Variants in COL4A2 observed in about 807,000 individuals in gnomAD.
COL4A2 encodes collagen type IV alpha 2 chain.
In COL4A2, 99 loss-of-function variants were observed where a neutral mutation model predicts 200.2. The ratio of observed to expected loss-of-function variants is 0.49; its 90% CI spans 0.42 to 0.58. The LOEUF (loss-of-function observed/expected upper bound fraction) is 0.58. Among genes scored for constraint, COL4A2 ranks in the 20% least tolerant of loss-of-function variants. COL4A2 has a pLI of 0.00. For missense variants in COL4A2, 1,950 were observed against 2,314.1 expected, an observed-to-expected ratio of 0.84 and a Z score of 3.23; for synonymous variants, 897 against 900.6, an observed-to-expected ratio of 1.00 and a Z score of 0.07.
intron 12 of COL4A2, among the ~76,000 whole-genome samples, chr13:110,435,343 T>G (rs1173030359): frequency 1.3e-5 from 2 of 152,172 alleles, no homozygotes; most frequent in Non-Finnish European, 2.9e-5. Flanking sequence ...AAGAAATCAT[T>G]GGTGGGAGAA....
intron 4 of COL4A2, among the ~76,000 whole-genome samples, chr13:110,414,592 CT>C (rs1258065231): frequency 3.3e-5 from 5 of 152,264 alleles, no homozygotes; most frequent in African/African-American, 1.2e-4. Flanking sequence ...CCCCCCCGAT[CT>C]CTCTCAGATG....
intron 3 of COL4A2, 26 bp downstream of exon 3, chr13:110,308,149 C>T (rs895976079): frequency 6.2e-7 from 1 of 1,612,764 alleles, no homozygotes; most frequent in Non-Finnish European, 8.5e-7. Context: ...CGCGCTTGGA[C>T]TTGCGCGCCC....
intron 4 of COL4A2, among the ~76,000 whole-genome samples, chr13:110,419,955 G>C (rs1280452376): frequency 6.6e-6 from 1 of 152,208 alleles, no homozygotes; most frequent in Admixed American, 6.5e-5. Context: ...CTTATTGAAA[G>C]TCACCTATCT....
At chr13:110,473,377 A>C (rs1882558195) in intron 29 of COL4A2, 1 of 511,826 alleles carries the variant, frequency 2.0e-6, no homozygotes, top group African/African-American at 2.0e-5. Context: ...GAACTTTGAC[A>C]GGTGTGGATT....
intron 3 of COL4A2, among the ~76,000 whole-genome samples, chr13:110,339,450 G>A (rs899319654): frequency 9.9e-5 from 15 of 152,138 alleles, no homozygotes; most frequent in African/African-American, 3.1e-4. Context: ...CCCTGACCTT[G>A]GAAGCCTGGC....
Position 110,307,568 on chromosome 13 carries a change from A to G in COL4A2, c.-45+40A>G. On this transcript the variant is annotated intron_variant, in intron 1 of 47. Transcript: ENST00000360467. This position sits in a 1 kb window ranked among gnomAD's most constrained non-coding sequence, Gnocchi z 5.0. ...CGAGCGGCGCCCAGACCCTGGCCCG[A>G]GAGCACCGACTTGGAGCGCCTTGTG... is the stretch of plus-strand genomic sequence containing the variant. 1 of 351,864 alleles carries G rather than the reference A, an allele frequency of 2.8e-6. No individual in the cohort carries two copies. Among genetic ancestry groups the G allele is most frequent in the Non-Finnish European group, 5.1e-6 (1 of 195,836 alleles). The allele number at this position is 351,864 out of a possible 1,614,324, so 21.8% of individuals were successfully genotyped here. A position where few individuals can be genotyped will look rare whatever the true frequency, so the allele number is the denominator to read the frequency against.
chr13:110,336,279 G>T (rs140309799), intron 3 of COL4A2, among the ~76,000 whole-genome samples: 3 of 152,114 alleles, frequency 2.0e-5, no homozygotes, highest in Non-Finnish European at 2.9e-5. Flanking sequence ...TCATGAACAC[G>T]CAGGGAATCA....
intron 18 of COL4A2, among the ~76,000 whole-genome samples, chr13:110,448,797 T>C (rs1881423741): frequency 6.6e-6 from 1 of 152,216 alleles, no homozygotes; most frequent in African/African-American, 2.4e-5. Context: ...CTTTTCAGTG[T>C]GTTTACCCCT....
chr13:110,323,746 C>T (rs950477649), intron 3 of COL4A2, among the ~76,000 whole-genome samples: 1 of 152,274 alleles, frequency 6.6e-6, no homozygotes. Context: ...ACGCTGCCCC[C>T]AGCGCCCAGC....
At chr13:110,461,397 G>A (rs1261403377) in intron 22 of COL4A2, among the ~76,000 whole-genome samples, 3 of 152,250 alleles carry the variant, frequency 2.0e-5, no homozygotes, top group Admixed American at 6.5e-5. Context: ...CAGCTGCCCC[G>A]GGCTGGGGCC....
At chr13:110,371,819 C>A (rs1446182409) in intron 4 of COL4A2, among the ~76,000 whole-genome samples, 1 of 152,160 alleles carries the variant, frequency 6.6e-6, no homozygotes. Flanking sequence ...TGGGGTCTGA[C>A]GTTGGCCGTG....
chr13:110,436,577 C>T (rs1880896302), intron 13 of COL4A2, among the ~76,000 whole-genome samples: 1 of 151,226 alleles, frequency 6.6e-6, no homozygotes. Flanking sequence ...CGTCGTCAGT[C>T]CATCATCTCA....
At chr13:110,326,144 G>C (rs1053150599) in intron 3 of COL4A2, among the ~76,000 whole-genome samples, 2 of 152,138 alleles carry the variant, frequency 1.3e-5, no homozygotes, top group Non-Finnish European at 2.9e-5. Flanking sequence ...CTTCGCCCAG[G>C]GGTGAGGAGC....
chr13:110,307,913 G>A lies in COL4A2; in HGVS notation c.10G>A (p.Asp4Asn), dbSNP rs376455394. The A allele has an allele frequency of 5.0e-6, 8 of 1,612,674 alleles. No individual in the cohort carries two copies. The highest frequency in any genetic ancestry group is 6.8e-6 in the Non-Finnish European group (8 of 1,179,602). ...TGGACGAACCGCCAGCATGGGGAGA[G>A]ACCAGCGCGCGGTGGCCGGCCCTGC... MGR[D>N]QRAVAGPALR... Residue 4 changes from aspartate to asparagine, a missense_variant, in exon 2 of 48, where the codon GAC becomes AAC. Physicochemically the swap from Asp to Asn is conservative, Grantham distance 23. Transcript: ENST00000360467. This position sits in a 1 kb window ranked among gnomAD's most constrained non-coding sequence, Gnocchi z 5.0.
At chr13:110,442,217 T>C (rs919721111) in intron 16 of COL4A2, among the ~76,000 whole-genome samples, 1 of 151,686 alleles carries the variant, frequency 6.6e-6, no homozygotes, top group African/African-American at 2.4e-5. Flanking sequence ...GGGGCCCAGA[T>C]GTGAGGATGG....
intron 6 of COL4A2, 84 bp from the exon 7 acceptor site, chr13:110,428,383 G>A: frequency 1.3e-6 from 1 of 787,310 alleles, no homozygotes. Flanking sequence ...TGGCTTATGA[G>A]AATATAAGAC....
At position 110,430,561 on chromosome 13, in the gene COL4A2, C is replaced by CT. The variant is rs748639011; in HGVS notation, c.603dup (p.Gly202TrpfsTer38). The CT allele has an allele frequency of 6.2e-7, 1 of 1,614,202 alleles. No homozygotes were observed. The highest frequency in any genetic ancestry group is 8.5e-7 in the Non-Finnish European group (1 of 1,180,040). The stretch of plus-strand genomic sequence containing the variant: ...TATCCATAGGGACCTCCCGGCCGCC[C>CT]TGGGCATGTGGGACAGATGGGTCCA... On this transcript the variant is annotated frameshift_variant, in exon 10 of 48. Coordinates refer to ENST00000360467, the MANE Select transcript of COL4A2 (RefSeq NM_001846.4). LOFTEE classifies it high-confidence loss of function.
rs1566559440 is a variant in COL4A2, at chr13:110,481,592, G to GTGCTGGAGACACACTGCTCTGTCCTTCCA, written c.2759-923_2759-922insGCTGGAGACACACTGCTCTGTCCTTCCAT. On this transcript the variant is annotated intron_variant, in intron 31 of 47. Coordinates refer to ENST00000360467, the MANE Select transcript of COL4A2 (RefSeq NM_001846.4). The stretch of plus-strand genomic sequence containing the variant: ...TGGAGACACACTGTTCTGTCCCTCC[G>GTGCTGGAGACACACTGCTCTGTCCTTCCA]TTGCTGGAGACACACTGTTCTGTCC... Among the ~76,000 whole-genome samples, 47 of 36,856 alleles carry GTGCTGGAGACACACTGCTCTGTCCTTCCA rather than the reference G, an allele frequency of 1.3e-3. 1 individual carries two copies. The highest frequency in any genetic ancestry group is 1.6e-3 in the Non-Finnish European group (28 of 17,992). 24.2% of individuals were successfully genotyped at this position (36,856 alleles called of 152,430 possible).
At chr13:110,494,943 A>G (rs1215656531) in intron 39 of COL4A2, among the ~76,000 whole-genome samples, 2 of 152,256 alleles carry the variant, frequency 1.3e-5, no homozygotes. Context: ...GTTTCCTGCC[A>G]TGATGGCGAT....
Sources: gnomAD v4.1 joint callset for allele counts (sites outside exome capture counted in the v4.1 genomes callset) on GRCh38, gnomAD v4.1.1 for gene constraint, Gnocchi (gnomAD v3.1) non-coding constraint, MANE v1.5 for transcripts, NCBI Gene and HGNC (gene_info 2026-07-23, HGNC 2026-07-21) for gene names.